DIS3L2: variants seen among roughly 807,000 people sequenced by gnomAD.
The protein encoded by DIS3L2 is DIS3 like 3'-5' exoribonuclease 2.
A neutral mutation model predicts 97.5 loss-of-function variants in DIS3L2; 34 were observed. The observed-to-expected ratio is 0.35, with a 90% confidence interval of 0.27 to 0.46. The LOEUF is 0.46. DIS3L2 is among the 20% of genes least tolerant of loss of function. The pLI, the probability that DIS3L2 is intolerant of heterozygous loss-of-function variation, is 1.00. For missense variants in DIS3L2, 1,038 were observed against 1,146.0 expected (o/e 0.91, Z 1.36); for synonymous variants, 435 against 445.2 (o/e 0.98, Z 0.29).
At chr2:232,260,212 G>A (rs1323921678) in intron 12 of DIS3L2, 1 of 152,372 alleles carries the variant, frequency 6.6e-6, no homozygotes, top group Non-Finnish European at 1.5e-5. Flanking sequence ...CACAGGAGGA[G>A]TGACTGGGTT....
chr2:232,323,590 T>A (rs1695496488), intron 14 of DIS3L2, among the ~76,000 whole-genome samples: 1 of 152,182 alleles, frequency 6.6e-6, no homozygotes, highest in South Asian at 2.1e-4. Flanking sequence ...CATATGATGT[T>A]TGGCTCCAGA....
At chr2:232,076,160 T>G (rs1386786387) in intron 5 of DIS3L2, among the ~76,000 whole-genome samples, 2 of 152,220 alleles carry the variant, frequency 1.3e-5, no homozygotes, top group East Asian at 1.9e-4. Flanking sequence ...TCCCTCTTGT[T>G]GTATATTTTC....
chr2:232,262,907 GA>G (rs1235466077), intron 12 of DIS3L2, among the ~76,000 whole-genome samples: 1 of 152,032 alleles, frequency 6.6e-6, no homozygotes, highest in African/African-American at 2.4e-5. Flanking sequence ...CCCACTCACC[GA>G]AACTAATGAA....
intron 6 of DIS3L2, among the ~76,000 whole-genome samples, chr2:232,108,434 A>C (rs1234964621): frequency 2.0e-5 from 3 of 152,172 alleles, no homozygotes; most frequent in Non-Finnish European, 4.4e-5. Context: ...GAATGGGCAA[A>C]AGCTGGAAGC....
At chr2:232,050,379 C>G (rs1198909646) in intron 5 of DIS3L2, among the ~76,000 whole-genome samples, 3 of 152,064 alleles carry the variant, frequency 2.0e-5, no homozygotes, top group African/African-American at 4.8e-5. Flanking sequence ...TCAAGTGATT[C>G]TCCTGCCTCA....
At chr2:232,243,097 G>T (rs1256995151) in intron 11 of DIS3L2, among the ~76,000 whole-genome samples, 1 of 152,210 alleles carries the variant, frequency 6.6e-6, no homozygotes, top group Non-Finnish European at 1.5e-5. Flanking sequence ...GAGAGGGGTT[G>T]TATCTGCCTG....
chr2:232,175,269 G>T (rs1467203487), intron 9 of DIS3L2, among the ~76,000 whole-genome samples: 1 of 152,066 alleles, frequency 6.6e-6, no homozygotes, highest in African/African-American at 2.4e-5. Context: ...TGGTTTTTCT[G>T]TCTGTTGAGA....
At chr2:231,971,245 G>A (rs939186396) in intron 1 of DIS3L2, among the ~76,000 whole-genome samples, 5 of 151,384 alleles carry the variant, frequency 3.3e-5, no homozygotes, top group Non-Finnish European at 4.4e-5. Flanking sequence ...GTGTGTTGTC[G>A]GGGTTTGGTG....
intron 1 of DIS3L2, among the ~76,000 whole-genome samples, chr2:231,975,798 G>A (rs1429776615): frequency 1.3e-5 from 2 of 151,818 alleles, no homozygotes; most frequent in Non-Finnish European, 2.9e-5. Flanking sequence ...AGTGAGGAGA[G>A]GGATGTGGTT....
chr2:232,093,437 T>A (rs1222558476), intron 6 of DIS3L2, among the ~76,000 whole-genome samples: 2 of 152,148 alleles, frequency 1.3e-5, no homozygotes, highest in Non-Finnish European at 2.9e-5. Flanking sequence ...TCTCCTCTGT[T>A]TTTCAGAATA....
chr2:232,187,369 TAG>T (rs1263769398), intron 9 of DIS3L2, among the ~76,000 whole-genome samples: 15 of 152,132 alleles, frequency 9.9e-5, no homozygotes, highest in African/African-American at 3.6e-4. Flanking sequence ...GGGTTAAACA[TAG>T]AGTTACCATA....
chr2:232,172,082 G>A (rs1363468573), intron 9 of DIS3L2, among the ~76,000 whole-genome samples: 2 of 152,088 alleles, frequency 1.3e-5, no homozygotes, highest in Non-Finnish European at 2.9e-5. Flanking sequence ...TGGTATAGAT[G>A]GTCTAAGATT....
chr2:232,135,280 C>T (rs1698325246), intron 7 of DIS3L2, among the ~76,000 whole-genome samples: 1 of 152,068 alleles, frequency 6.6e-6, no homozygotes, highest in South Asian at 2.1e-4. Context: ...AGATGGGGAC[C>T]ACCTGAACCA....
chr2:232,329,853 G>T lies in DIS3L2; in HGVS notation c.1780G>T (p.Ala594Ser). Residue 594 changes from alanine (A) to serine (S), a missense_variant, in exon 15 of 21, where the codon GCC (alanine) becomes TCC (serine). Physicochemically the swap from Ala to Ser is moderately conservative, Grantham distance 99. Transcript: ENST00000325385. Reference sequence around the variant, plus strand: ...CATGCTCTTGGCCAACATGGCAGTGGCCCACAAGATCCACCGCGCCTTCCC... The same window carrying T: ...CATGCTCTTGGCCAACATGGCAGTGTCCCACAAGATCCACCGCGCCTTCCC... ...EFMLLANMAV[A>S]HKIHRAFPEQ... is the part of the protein sequence containing the mutation. 6.2e-7 allele frequency: 1 copy of T among 1,602,164 alleles called. No homozygotes were observed. The highest frequency in any genetic ancestry group is 8.5e-7 in the Non-Finnish European group (1 of 1,174,404).
At chr2:232,108,757 C>T (rs970024442) in intron 6 of DIS3L2, among the ~76,000 whole-genome samples, 1 of 152,148 alleles carries the variant, frequency 6.6e-6, no homozygotes, top group Non-Finnish European at 1.5e-5. Context: ...TTCCTTTACA[C>T]CAACAACAGG....
At chr2:232,337,611 T>G (rs1243049932), downstream of DIS3L2, among the ~76,000 whole-genome samples, 2 of 151,752 alleles carry the variant, frequency 1.3e-5, no homozygotes, top group African/African-American at 4.8e-5. Flanking sequence ...TCCTTCCCCC[T>G]CCGTGGGGGA....
intron 1 of DIS3L2, among the ~76,000 whole-genome samples, chr2:232,013,993 A>G (rs1196925557): frequency 5.9e-5 from 9 of 152,232 alleles, no homozygotes; most frequent in African/African-American, 2.2e-4. Flanking sequence ...GTTCAGAATG[A>G]CATCTTGATT....
Position 232,078,137 on chromosome 2 carries a change from G to A in DIS3L2, c.367-9350G>A, listed in dbSNP as rs544160291. On this transcript the variant is annotated intron_variant, in intron 5 of 20. Coordinates refer to ENST00000325385, the MANE Select transcript of DIS3L2 (RefSeq NM_152383.5). ...TGGCTCACTGCAACCACCACCTCCC[G>A]GGTTCAAGTGATTCTCCTGCCTCAG... 1.4e-3 allele frequency among the ~76,000 whole-genome samples: 215 copies of A among 151,018 alleles called. 2 individuals are homozygous for A. Among genetic ancestry groups the A allele is most frequent in the African/African-American group, 4.8e-3 (198 of 41,140 alleles).
Position 232,014,932 on chromosome 2 carries a change from G to C in DIS3L2, c.5G>C (p.Ser2Thr). M[S>T]HPDYRMNLRP... ...AGAGTGACCTTGGAGCCAATAATGAGCCATCCTGACTACAGAATGAACCTC... is the reference window on the plus strand; with the variant it reads ...AGAGTGACCTTGGAGCCAATAATGACCCATCCTGACTACAGAATGAACCTC... Residue 2 changes from serine (S) to threonine (T), a missense_variant, in exon 2 of 21, where the codon AGC becomes ACC. Ser to Thr is a moderately conservative substitution (Grantham distance 58). Transcript: ENST00000325385. The C allele has an allele frequency of 6.2e-7, 1 of 1,613,970 alleles. No homozygotes were observed. The highest frequency in any genetic ancestry group is 8.5e-7 in the Non-Finnish European group (1 of 1,179,912).
Sources: gnomAD v4.1 joint callset for allele counts (sites outside exome capture counted in the v4.1 genomes callset) on GRCh38, gnomAD v4.1.1 for gene constraint, MANE v1.5 for transcripts, NCBI Gene and HGNC (gene_info 2026-07-23, HGNC 2026-07-21) for gene names.